Variants in ADGRL3 observed in about 807,000 individuals in gnomAD.
The protein encoded by ADGRL3 is calcium-independent alpha-latrotoxin receptor 3.
ADGRL3 carries 62 observed loss-of-function variants against 153.5 expected under a neutral mutation model. The observed-to-expected ratio is 0.40, with a 90% CI of 0.33 to 0.50. The LOEUF is 0.50. Ranked by LOEUF, ADGRL3 falls within the 20% of genes least tolerant of loss-of-function variation. The pLI is 0.47. For synonymous variants in ADGRL3, 710 were observed against 672.5 expected (o/e 1.06, Z -0.86); for missense variants, 1,641 against 1,859.4 (o/e 0.88, Z 2.16).
At chr4:62,061,934 GT>G (rs1184294660) in intron 25 of ADGRL3, among the ~76,000 whole-genome samples, 2 of 151,980 alleles carry the variant, frequency 1.3e-5, no homozygotes, top group Admixed American at 6.6e-5. Flanking sequence ...TCATGTACAG[GT>G]TTTTGTGTGA....
intron 9 of ADGRL3, among the ~76,000 whole-genome samples, chr4:61,827,657 A>T (rs1437746531): frequency 6.6e-6 from 1 of 152,218 alleles, no homozygotes; most frequent in East Asian, 1.9e-4. Flanking sequence ...GGAAATAAAG[A>T]CATGGTGGAT....
chr4:61,749,056 A>T (rs1423931197), intron 8 of ADGRL3, among the ~76,000 whole-genome samples: 2 of 151,918 alleles, frequency 1.3e-5, no homozygotes, highest in Non-Finnish European at 2.9e-5. Context: ...AAAGGACATG[A>T]ACAGACACTT....
chr4:61,363,855 T>C (rs1282128170), intron 1 of ADGRL3, among the ~76,000 whole-genome samples: 1 of 152,180 alleles, frequency 6.6e-6, no homozygotes, highest in Admixed American at 6.5e-5. Context: ...AGTAAGTTCA[T>C]GCAGCTAATG....
At chr4:62,024,734 G>A (rs1717363924) in intron 21 of ADGRL3, among the ~76,000 whole-genome samples, 1 of 151,938 alleles carries the variant, frequency 6.6e-6, no homozygotes, top group African/African-American at 2.4e-5. Flanking sequence ...TTTGAGACCA[G>A]TCTGTCCAAC....
chr4:61,568,332 C>T (rs1000072061), intron 4 of ADGRL3, among the ~76,000 whole-genome samples: 14 of 152,112 alleles, frequency 9.2e-5, no homozygotes, highest in African/African-American at 3.1e-4. Context: ...AACTGTCTCT[C>T]TTCTCATTTT....
At chr4:61,673,408 G>A (rs1580210325) in intron 5 of ADGRL3, among the ~76,000 whole-genome samples, 1 of 151,486 alleles carries the variant, frequency 6.6e-6, no homozygotes, top group Non-Finnish European at 1.5e-5. Context: ...TTAGGTAAGA[G>A]GGATACCAAA....
chr4:61,706,498 T>A (rs2095860909), intron 6 of ADGRL3, among the ~76,000 whole-genome samples: 1 of 152,098 alleles, frequency 6.6e-6, no homozygotes, highest in African/African-American at 2.4e-5. Context: ...TCATCAATTA[T>A]CTTTGCTAGA....
chr4:61,373,386 C>T (rs774483889), intron 1 of ADGRL3, among the ~76,000 whole-genome samples: 7 of 152,068 alleles, frequency 4.6e-5, no homozygotes, highest in Non-Finnish European at 1.0e-4. Context: ...AGAGACATAA[C>T]AATTTTTCAT....
chr4:61,306,734 A>G (rs896553383), intron 1 of ADGRL3, among the ~76,000 whole-genome samples: 2 of 152,136 alleles, frequency 1.3e-5, no homozygotes, highest in African/African-American at 4.8e-5. Flanking sequence ...ATTTTTGACA[A>G]TTTTATACAA....
At position 61,617,237 on chromosome 4, in the gene ADGRL3, TAAAC is replaced by T. The variant is rs377314314; in HGVS notation, c.473+29799_473+29802del. Among the ~76,000 whole-genome samples the T allele has an allele frequency of 2.4e-4, 37 of 152,340 alleles. No individual in the cohort carries two copies. In the East Asian group the frequency reaches 6.0e-3, roughly 25 times the overall value. ...ATGTGTGAAAAGGTAACCTCACATA[TAAAC>T]AGAGTAGCATTTTCATTTAATAAGA... is the stretch of plus-strand genomic sequence containing the variant. On this transcript the variant is annotated intron_variant, in intron 5 of 26. Coordinates refer to ENST00000683033, the MANE Select transcript of ADGRL3 (RefSeq NM_001387552.1).
chr4:61,727,277 A>C (rs1366113536), intron 6 of ADGRL3, among the ~76,000 whole-genome samples: 1 of 152,160 alleles, frequency 6.6e-6, no homozygotes, highest in Non-Finnish European at 1.5e-5. Context: ...ATTTATTCTA[A>C]CCACAGGATA....
chr4:61,566,797 G>A (rs1372114832), intron 4 of ADGRL3, among the ~76,000 whole-genome samples: 3 of 152,012 alleles, frequency 2.0e-5, no homozygotes, highest in Non-Finnish European at 4.4e-5. Context: ...ATATGCTTAT[G>A]TAGTTTTATT....
chr4:61,682,052 T>G (rs2095347919), intron 6 of ADGRL3, among the ~76,000 whole-genome samples: 1 of 152,048 alleles, frequency 6.6e-6, no homozygotes, highest in East Asian at 1.9e-4. Context: ...CAAAAACTCT[T>G]GTCTGCAAAT....
At chr4:61,606,056 A>C (rs2099031070) in intron 5 of ADGRL3, among the ~76,000 whole-genome samples, 1 of 152,112 alleles carries the variant, frequency 6.6e-6, no homozygotes, top group Admixed American at 6.6e-5. Flanking sequence ...AAGGGCTCCT[A>C]ATGCAGCCTG....
At position 61,694,860 on chromosome 4, in the gene ADGRL3, C is replaced by T. The variant is rs1052459480; in HGVS notation, c.583+17925C>T. Among the ~76,000 whole-genome samples, 29 of 152,158 alleles carry T rather than the reference C, an allele frequency of 1.9e-4. 1 individual carries two copies. Among genetic ancestry groups the T allele is most frequent in the Admixed American group, 1.2e-3 (18 of 15,266 alleles). The stretch of plus-strand genomic sequence containing the variant: ...TGTAATATTCCAAATCCTTTGTTGT[C>T]GTTTTAACAATTTTCACAGCATCTT... On this transcript the variant is annotated intron_variant, in intron 6 of 26. Coordinates refer to ENST00000683033, the MANE Select transcript of ADGRL3 (RefSeq NM_001387552.1).
intron 25 of ADGRL3, among the ~76,000 whole-genome samples, chr4:62,062,724 G>T (rs1740870301): frequency 6.6e-6 from 1 of 152,004 alleles, no homozygotes; most frequent in South Asian, 2.1e-4. Context: ...ATTTAACATT[G>T]TTTCATTGCT....
In ADGRL3 at chr4:61,732,890, C is replaced by T. The variant is rs748555227; in HGVS notation, c.735C>T (p.Tyr245=). Residue 245 remains tyrosine, a synonymous_variant, in exon 8 of 27, where the codon TAC becomes TAT. Coordinates refer to ENST00000683033, the MANE Select transcript of ADGRL3 (RefSeq NM_001387552.1). The stretch of plus-strand genomic sequence containing the variant: ...TTTATTATATGCCCTGGACTCCCTA[C>T]AGAACTGATACCCTGACTGAGTATT... ...DKIYYMPWTP[Y]RTDTLTEYSS... 10 of 1,613,674 alleles carry T rather than the reference C, an allele frequency of 6.2e-6. No homozygotes were observed. Among genetic ancestry groups the T allele is most frequent in the Non-Finnish European group, 8.5e-6 (10 of 1,179,810 alleles).
intron 4 of ADGRL3, among the ~76,000 whole-genome samples, chr4:61,567,106 A>G (rs2098819479): frequency 6.6e-6 from 1 of 152,198 alleles, no homozygotes. Flanking sequence ...AAAATTCAAC[A>G]ATTTTACAAT....
chr4:61,537,175 T>TC (rs1481805395), intron 4 of ADGRL3, among the ~76,000 whole-genome samples: 1 of 151,722 alleles, frequency 6.6e-6, no homozygotes, highest in East Asian at 1.9e-4. Context: ...CCTTGCATTT[T>TC]TTTTTTTTTA....
Sources: gnomAD v4.1 joint callset for allele counts (sites outside exome capture counted in the v4.1 genomes callset) on GRCh38, gnomAD v4.1.1 for gene constraint, MANE v1.5 for transcripts, NCBI Gene and HGNC (gene_info 2026-07-23, HGNC 2026-07-21) for gene names.